Variants in FHDC1 observed in about 807,000 individuals in gnomAD.
FHDC1 encodes the protein FH2 domain-containing protein 1.
FHDC1 carries 25 observed loss-of-function variants against 52.6 expected under a neutral mutation model. The ratio of observed to expected loss-of-function variants is 0.48; its 90% CI spans 0.35 to 0.66. The LOEUF (loss-of-function observed/expected upper bound fraction) is 0.66. Ranked by LOEUF, FHDC1 falls within the 30% of genes least tolerant of loss-of-function variation. The pLI is 0.01. For missense variants in FHDC1, 1,459 were observed against 1,452.8 expected (o/e 1.00, Z -0.07); for synonymous variants, 616 against 581.5 (o/e 1.06, Z -0.85).
intron 8 of FHDC1, among the ~76,000 whole-genome samples, chr4:152,963,634 T>TA (rs139404412): frequency 0.064 from 9,801 of 152,026 alleles, 335 homozygotes; most frequent in Non-Finnish European, 0.081. Flanking sequence ...AGGATTGAAA[T>TA]TTTCTGATGT....
chr4:152,947,477 A>G (rs1184278919), intron 2 of FHDC1, among the ~76,000 whole-genome samples: 1 of 152,158 alleles, frequency 6.6e-6, no homozygotes, highest in Non-Finnish European at 1.5e-5. Flanking sequence ...ACCCTCTATT[A>G]CTGACATTCC....
At chr4:152,942,809 G>A in intron 1 of FHDC1, 119 bp from the exon 2 acceptor site, 1 of 443,040 alleles carries the variant, frequency 2.3e-6, no homozygotes, top group Non-Finnish European at 4.0e-6. Flanking sequence ...GGGATGTGTT[G>A]CCCCTCATTG....
intron 2 of FHDC1, among the ~76,000 whole-genome samples, chr4:152,945,602 G>C (rs9307899): frequency 0.57 from 85,896 of 151,836 alleles, 24,660 homozygotes; most frequent in Admixed American, 0.68. Context: ...GATTACAGGG[G>C]CGTGCCACAA....
the FHDC1 span, among the ~76,000 whole-genome samples, chr4:152,924,953 A>G: frequency 6.6e-6 from 1 of 151,870 alleles, no homozygotes; most frequent in East Asian, 1.9e-4. Flanking sequence ...TGGCACATGT[A>G]TACATATGTA....
chr4:152,912,559 CTG>C, the FHDC1 span, among the ~76,000 whole-genome samples: 9 of 152,126 alleles, frequency 5.9e-5, no homozygotes, highest in African/African-American at 2.2e-4. Flanking sequence ...TCAAGAAAGA[CTG>C]TGCCAATTTA....
the FHDC1 span, among the ~76,000 whole-genome samples, chr4:152,914,657 T>C: frequency 6.6e-6 from 1 of 152,218 alleles, no homozygotes; most frequent in Non-Finnish European, 1.5e-5. Context: ...ATAAGGAAGA[T>C]GTAAGAGGAA....
Position 152,960,861 on chromosome 4 carries a change from T to A in FHDC1, c.850+17T>A. ...CTATAAAAGGTGAGTCAACATATGA[T>A]CCTTCGCAGAATTTGTTTTTATTAA... On this transcript the variant is annotated intron_variant, in intron 6 of 11. Transcript: ENST00000511601. The A allele has an allele frequency of 2.6e-6, 4 of 1,523,804 alleles. No homozygotes were observed. The highest frequency in any genetic ancestry group is 3.5e-6 in the Non-Finnish European group (4 of 1,131,250). The allele number at this position is 1,523,804 out of a possible 1,614,324, so 94.4% of individuals were successfully genotyped here. A position where few individuals can be genotyped will look rare whatever the true frequency, so the allele number is the denominator to read the frequency against.
intron 7 of FHDC1, 41 bp from the exon 8 acceptor site, chr4:152,962,982 T>TGTGTGTGG (rs58275172): frequency 6.6e-7 from 1 of 1,526,430 alleles, no homozygotes; most frequent in Non-Finnish European, 9.0e-7. Flanking sequence ...TGTGTGTGTG[T>TGTGTGTGG]ATGTATACAT....
the FHDC1 span, among the ~76,000 whole-genome samples, chr4:152,923,760 G>C: frequency 1.1e-4 from 16 of 151,962 alleles, no homozygotes; most frequent in African/African-American, 3.9e-4. Flanking sequence ...ATGGGGAAAG[G>C]ATTCCCTATG....
the FHDC1 span, among the ~76,000 whole-genome samples, chr4:152,921,379 G>C: frequency 1.3e-5 from 2 of 151,614 alleles, no homozygotes; most frequent in Non-Finnish European, 2.9e-5. Context: ...TTATTTACAA[G>C]GATTTATTCA....
the FHDC1 span, among the ~76,000 whole-genome samples, chr4:152,930,995 ACACTCTCTCTCTCTCT>A: frequency 2.2e-5 from 3 of 139,500 alleles, no homozygotes; most frequent in Admixed American, 6.9e-5. Flanking sequence ...ACACACACAC[ACACTCTCTCTCTCTCT>A]CTCTCTCTCT....
chr4:152,927,968 C>A, the FHDC1 span: 1 of 1,482,008 alleles, frequency 6.7e-7, no homozygotes, highest in Non-Finnish European at 9.4e-7. Flanking sequence ...GAAACCGGAC[C>A]CTGAGCCAGA....
At chr4:152,941,141 C>T (rs1323441401) in intron 1 of FHDC1, among the ~76,000 whole-genome samples, 5 of 152,284 alleles carry the variant, frequency 3.3e-5, no homozygotes, top group Middle Eastern at 3.4e-3. Context: ...ATGCCATTTT[C>T]CTCCCATATA....
the FHDC1 span, chr4:152,912,253 A>G: frequency 6.6e-6 from 1 of 152,210 alleles, no homozygotes; most frequent in Non-Finnish European, 1.5e-5. Flanking sequence ...TTACTTTGTT[A>G]GGAATGTAAT....
the FHDC1 span, among the ~76,000 whole-genome samples, chr4:152,926,757 T>G: frequency 6.6e-6 from 1 of 151,768 alleles, no homozygotes; most frequent in African/African-American, 2.4e-5. Flanking sequence ...ATTTGGACTT[T>G]CCTTTGGATT....
Position 152,949,170 on chromosome 4 carries a change from A to AAGAAGAAGAAGC in FHDC1, c.499-4327_499-4326insAAGAAGAAGCAG, listed in dbSNP as rs1165422183. On this transcript the variant is annotated intron_variant, in intron 2 of 11. Coordinates refer to ENST00000511601, the MANE Select transcript of FHDC1 (RefSeq NM_001371116.1). ...GAAGAAGAAGAAGAAGAAGAAGAAG[A>AAGAAGAAGAAGC]AGCAGAAGAAGAAAATGGTTATGGA... Among the ~76,000 whole-genome samples, 825 of 141,810 alleles carry AAGAAGAAGAAGC rather than the reference A, an allele frequency of 5.8e-3. 6 individuals carry two copies. The highest frequency in any genetic ancestry group is 7.6e-3 in the Non-Finnish European group (491 of 64,416). The allele number at this position is 141,810 out of a possible 152,430, so 93.0% of individuals were successfully genotyped here. A position where few individuals can be genotyped will look rare whatever the true frequency, so the allele number is the denominator to read the frequency against.
At chr4:152,941,322 CT>C (rs936938333) in intron 1 of FHDC1, among the ~76,000 whole-genome samples, 2 of 152,180 alleles carry the variant, frequency 1.3e-5, no homozygotes, top group African/African-American at 4.8e-5. Context: ...CCAGGGGTAA[CT>C]TGGCATTTTA....
chr4:152,914,537 G>T, the FHDC1 span, among the ~76,000 whole-genome samples: 3 of 152,142 alleles, frequency 2.0e-5, no homozygotes, highest in African/African-American at 7.2e-5. Context: ...AGAATTCTGG[G>T]TTTTTTAAAC....
Position 152,968,205 on chromosome 4 carries a change from A to AT in FHDC1, c.1218+116dup, listed in dbSNP as rs941267701. The AT allele has an allele frequency of 2.0e-4, 145 of 741,432 alleles. 1 individual carries two copies. The highest frequency in any genetic ancestry group is 4.2e-4 in the East Asian group (16 of 38,196). The allele number at this position is 741,432 out of a possible 1,614,324, so 45.9% of individuals were successfully genotyped here. On this transcript the variant is annotated intron_variant, in intron 10 of 11. Coordinates refer to ENST00000511601, the MANE Select transcript of FHDC1 (RefSeq NM_001371116.1). ...TGTGGAAGCAGCAGTTCCCATTCAT[A>AT]TTTTTTTTCTCCAAGTTAGTCAGAG...
Sources: gnomAD v4.1 joint callset for allele counts (sites outside exome capture counted in the v4.1 genomes callset) on GRCh38, gnomAD v4.1.1 for gene constraint, MANE v1.5 for transcripts, NCBI Gene and HGNC (gene_info 2026-07-23, HGNC 2026-07-21) for gene names.